CCDC159: variants seen among roughly 807,000 people sequenced by gnomAD.
CCDC159 encodes coiled-coil domain containing 159.
In CCDC159, 40 loss-of-function variants were observed where a neutral mutation model predicts 50.9. The ratio of observed to expected loss-of-function variants is 0.79; its 90% CI spans 0.61 to 1.02. The LOEUF is 1.02. Among genes scored for constraint, CCDC159 ranks in the 50% least tolerant of loss-of-function variants. The pLI is 0.00. For missense variants in CCDC159, 356 were observed against 371.5 expected (o/e 0.96, Z 0.34); for synonymous variants, 146 against 138.9 (o/e 1.05, Z -0.36).
Position 11,350,859 on chromosome 19 carries a change from G to C in CCDC159, c.278G>C (p.Gly93Ala). The C allele has an allele frequency of 6.4e-7, 1 of 1,551,712 alleles. No individual in the cohort carries two copies. Among genetic ancestry groups the C allele is most frequent in the Non-Finnish European group, 8.7e-7 (1 of 1,147,766 alleles). Residue 93 changes from glycine (G) to alanine (A), a missense_variant, in exon 5 of 11, where the codon GGC (glycine) becomes GCC (alanine). Physicochemically the swap from Gly to Ala is moderately conservative, Grantham distance 60 (BLOSUM62 0). Coordinates refer to ENST00000458408, the MANE Select transcript of CCDC159 (RefSeq NM_001080503.3). ...RQGEKEEHKWGMEQGRQELYG... is the reference protein window; with the variant it reads ...RQGEKEEHKWAMEQGRQELYG... ...GGAGAGAAGGAGGAGCACAAGTGGG[G>C]CATGGAGCAGGGCCGGCAGGAGCTG...
Position 11,354,007 on chromosome 19 carries a change from G to A in CCDC159, c.772+133G>A. On this transcript the variant is annotated intron_variant, in intron 9 of 10. Coordinates refer to ENST00000458408, the MANE Select transcript of CCDC159 (RefSeq NM_001080503.3). ...TATGGTCACATTAAGTAGTGTTCTGGGGTCACATTAAGGAGTCACTGGAGG... is the reference window on the plus strand; with the variant it reads ...TATGGTCACATTAAGTAGTGTTCTGAGGTCACATTAAGGAGTCACTGGAGG... 7.1e-6 allele frequency: 5 copies of A among 708,804 alleles called. No homozygotes were observed. In the South Asian group the frequency reaches 7.9e-5, roughly 11 times the overall value. The allele number at this position is 708,804 out of a possible 1,614,324, so 43.9% of individuals were successfully genotyped here. A position where few individuals can be genotyped will look rare whatever the true frequency, so the allele number is the denominator to read the frequency against.
chr19:11,352,069 A>G lies in CCDC159; in HGVS notation c.503A>G (p.Asp168Gly). The G allele has an allele frequency of 6.2e-7, 1 of 1,613,690 alleles. No individual in the cohort carries two copies. The highest frequency in any genetic ancestry group is 8.5e-7 in the Non-Finnish European group (1 of 1,179,772). Reference sequence around the variant, plus strand: ...CCTCCCTCCACAGAAGCGCAGGAGGATGAGATCTCAGAGAACTTGGTGAAC... The same window carrying G: ...CCTCCCTCCACAGAAGCGCAGGAGGGTGAGATCTCAGAGAACTTGGTGAAC... ...FIYQKLQAQEDEISENLVNIQ... is the reference protein window; with the variant it reads ...FIYQKLQAQEGEISENLVNIQ... Residue 168 changes from aspartate (D) to glycine (G), a missense_variant, in exon 7 of 11, where the codon GAT (aspartate) becomes GGT (glycine). Physicochemically the swap from Asp to Gly is moderately conservative, Grantham distance 94 (BLOSUM62 -1). Coordinates refer to ENST00000458408, the MANE Select transcript of CCDC159 (RefSeq NM_001080503.3).
chr19:11,346,955 A>T (rs1416046558), intron 1 of CCDC159, among the ~76,000 whole-genome samples: 1 of 152,176 alleles, frequency 6.6e-6, no homozygotes, highest in Non-Finnish European at 1.5e-5. Flanking sequence ...ACAACATCCC[A>T]GTAAGGTGAC....
At position 11,348,884 on chromosome 19, in the gene CCDC159, C is replaced by T. The variant is rs781507956; in HGVS notation, c.22-770C>T. On this transcript the variant is annotated intron_variant, in intron 1 of 10. Transcript: ENST00000458408. Reference sequence around the variant, plus strand: ...AAGTACTGGGGTTAGTTAGGGGGCTCCCATAGGGCTGGGGACACTGGGAGG... The same window carrying T: ...AAGTACTGGGGTTAGTTAGGGGGCTTCCATAGGGCTGGGGACACTGGGAGG... 1.9e-5 allele frequency: 18 copies of T among 955,818 alleles called. No homozygotes were observed. The South Asian group carries it at 2.1e-4, about 11-fold the overall frequency. The allele number at this position is 955,818 out of a possible 1,614,324, so 59.2% of individuals were successfully genotyped here.
Position 11,349,965 on chromosome 19 carries a change from C to T in CCDC159, c.83C>T (p.Ser28Phe). 6.2e-7 allele frequency: 1 copy of T among 1,613,882 alleles called. No individual in the cohort carries two copies. Among genetic ancestry groups the T allele is most frequent in the Non-Finnish European group, 8.5e-7 (1 of 1,179,862 alleles). ...KAKTIVMIPD[S>F]QKLLRCELES... ...AAGACCATTGTGATGATTCCCGACT[C>T]CCAGAAGCTCCTGCGATGTGAACTT... The change falls in exon 3 of 11, where the codon TCC becomes TTC. Residue 28 changes from serine to phenylalanine, a missense_variant. By Grantham distance (155) the Ser-to-Phe change is radical (BLOSUM62 -2). Coordinates refer to ENST00000458408, the MANE Select transcript of CCDC159 (RefSeq NM_001080503.3).
intron 1 of CCDC159, 109 bp downstream of exon 1, chr19:11,346,736 G>C: frequency 7.5e-7 from 1 of 1,330,254 alleles, no homozygotes; most frequent in Non-Finnish European, 1.0e-6. Context: ...TCCCGGGAGG[G>C]ACACGGAAGC....
Position 11,354,641 on chromosome 19 carries a change from T to G in CCDC159, c.834T>G (p.Cys278Trp). Residue 278 changes from cysteine to tryptophan, a missense_variant, in exon 10 of 11, where the codon TGT becomes TGG. Cys to Trp is a radical substitution (Grantham distance 215). Transcript: ENST00000458408. ...PLPSWDSDSD[C>W]DQDLSQPPFS... ...CCTCCTGGGACTCTGACTCCGACTG[T>G]GACCAGGACCTCTCCCAGCCACCTT... The G allele has an allele frequency of 6.2e-7, 1 of 1,606,390 alleles. No individual in the cohort carries two copies.
intron 7 of CCDC159, chr19:11,352,344 G>C (rs550525957): frequency 1.7e-6 from 1 of 573,800 alleles, no homozygotes; most frequent in Non-Finnish European, 3.1e-6. Flanking sequence ...GGCTGGGCGC[G>C]GTGGCTCACG....
intron 4 of CCDC159, among the ~76,000 whole-genome samples, chr19:11,350,571 T>C (rs1233576014): frequency 6.6e-6 from 1 of 152,052 alleles, no homozygotes; most frequent in Non-Finnish European, 1.5e-5. Flanking sequence ...GAGAATTGCT[T>C]TCTGGGAGGC....
At chr19:11,350,559 AG>A (rs1176897008) in intron 4 of CCDC159, among the ~76,000 whole-genome samples, 1 of 152,140 alleles carries the variant, frequency 6.6e-6, no homozygotes, top group Non-Finnish European at 1.5e-5. Context: ...AGGCTGAGAA[AG>A]GAGAATTGCT....
chr19:11,350,728 T>G, intron 4 of CCDC159, 80 bp from the exon 5 acceptor site: 4 of 1,367,850 alleles, frequency 2.9e-6, no homozygotes, highest in Admixed American at 2.7e-5. Context: ...ATTGGGAGAG[T>G]CTGGGTTCTG....
At position 11,350,262 on chromosome 19, in the gene CCDC159, C is replaced by T. The variant is rs879046326; in HGVS notation, c.226+63C>T. The stretch of plus-strand genomic sequence containing the variant: ...GGCGTGGTGGCTCACGCCTGTAATC[C>T]CAGCATTTGGGGAGGCCAAAGAGGT... On this transcript the variant is annotated intron_variant, in intron 4 of 10. Transcript: ENST00000458408. 3.8e-5 allele frequency: 56 copies of T among 1,458,500 alleles called. 2 individuals are homozygous for T. The South Asian group carries it at 6.5e-4, about 17-fold the overall frequency. 90.3% of individuals were successfully genotyped at this position (1,458,500 alleles called of 1,614,324 possible). A position where few individuals can be genotyped will look rare whatever the true frequency, so the allele number is the denominator to read the frequency against.
chr19:11,353,630 G>A, intron 8 of CCDC159, 58 bp downstream of exon 8: 1 of 1,601,574 alleles, frequency 6.2e-7, no homozygotes, highest in Admixed American at 1.7e-5. Flanking sequence ...TCCCCCAACG[G>A]GATCTGGCAG....
At position 11,354,670 on chromosome 19, in the gene CCDC159, G is replaced by C; in HGVS notation, c.863G>C (p.Ser288Thr). 1 of 1,606,504 alleles carries C rather than the reference G, an allele frequency of 6.2e-7. No homozygotes were observed. The highest frequency in any genetic ancestry group is 8.5e-7 in the Non-Finnish European group (1 of 1,176,382). ...CAGGACCTCTCCCAGCCACCTTTCA[G>C]CAAGAGCGGCCGCTCCTTCCCACCC... is the stretch of plus-strand genomic sequence containing the variant. ...CDQDLSQPPF[S>T]KSGRSFPPA is the part of the protein sequence containing the mutation. Residue 288 changes from serine (S) to threonine (T), a missense_variant, in exon 10 of 11, where the codon AGC (serine) becomes ACC (threonine). Physicochemically the swap from Ser to Thr is moderately conservative, Grantham distance 58 (BLOSUM62 1). Coordinates refer to ENST00000458408, the MANE Select transcript of CCDC159 (RefSeq NM_001080503.3).
At position 11,346,573 on chromosome 19, in the gene CCDC159, G is replaced by C. The variant is rs572397334; in HGVS notation, c.-34G>C. ...GGTGTCCCCGCGGGATCAAACTTCA[G>C]CGTCACAGCTGAGGACTGGCTTCGT... On this transcript the variant is annotated 5_prime_UTR_variant, in exon 1 of 11. Coordinates refer to ENST00000458408, the MANE Select transcript of CCDC159 (RefSeq NM_001080503.3). 48 of 1,551,452 alleles carry C rather than the reference G, an allele frequency of 3.1e-5. No individual in the cohort carries two copies. Among genetic ancestry groups the C allele is most frequent in the Admixed American group, 5.9e-5 (3 of 50,996 alleles).
In CCDC159 at chr19:11,350,996, C is replaced by T. The variant is rs1431231815; in HGVS notation, c.415C>T (p.Arg139Trp). ...RCLQLLAQEI[R>W]DSKKFLWEEL... The stretch of plus-strand genomic sequence containing the variant: ...CCTGCAGCTGCTGGCCCAGGAGATC[C>T]GGGACAGGTCGGGGATGGCGGGAGG... The change falls in exon 5 of 11, where the codon CGG (arginine) becomes TGG (tryptophan). Residue 139 changes from arginine to tryptophan, a missense_variant. Coordinates refer to ENST00000458408, the MANE Select transcript of CCDC159 (RefSeq NM_001080503.3). 49 of 1,547,078 alleles carry T rather than the reference C, an allele frequency of 3.2e-5. No homozygotes were observed. The highest frequency in any genetic ancestry group is 1.3e-4 in the South Asian group (11 of 83,588).
In CCDC159 at chr19:11,351,946, G is replaced by A; in HGVS notation, c.463G>A (p.Glu155Lys). ...GGAGGAGCTGGAACTGGTGCGGGAGGAGGTGACCTTCATCTATCAGAAGCT... is the reference window on the plus strand; with the variant it reads ...GGAGGAGCTGGAACTGGTGCGGGAGAAGGTGACCTTCATCTATCAGAAGCT... ...LWEELELVRE[E>K]VTFIYQKLQA... The change falls in exon 6 of 11, where the codon GAG becomes AAG. Residue 155 changes from glutamate to lysine, a missense_variant. By Grantham distance (56) the Glu-to-Lys change is moderately conservative. Coordinates refer to ENST00000458408, the MANE Select transcript of CCDC159 (RefSeq NM_001080503.3). 6.2e-7 allele frequency: 1 copy of A among 1,606,272 alleles called. No homozygotes were observed. The highest frequency in any genetic ancestry group is 8.5e-7 in the Non-Finnish European group (1 of 1,176,728).
In CCDC159 at chr19:11,353,654, C is replaced by G. The variant is rs1441119730; in HGVS notation, c.689+82C>G. 1.1e-5 allele frequency: 18 copies of G among 1,595,368 alleles called. No individual in the cohort carries two copies. The Admixed American group carries it at 3.1e-4, about 28-fold the overall frequency. ...GGGATCTGGCAGTGACCACCAGAACCTGGAGCCCACCTGAGTCCAGACTTC... is the reference window on the plus strand; with the variant it reads ...GGGATCTGGCAGTGACCACCAGAACGTGGAGCCCACCTGAGTCCAGACTTC... On this transcript the variant is annotated intron_variant, in intron 8 of 10. Transcript: ENST00000458408.
Position 11,354,657 on chromosome 19 carries a change from C to T in CCDC159, c.850C>T (p.Gln284Ter). The change falls in exon 10 of 11, where the codon CAG (glutamine) becomes TAG (stop). Residue 284 changes from glutamine to a stop codon, truncating the protein, a stop_gained. Coordinates refer to ENST00000458408, the MANE Select transcript of CCDC159 (RefSeq NM_001080503.3). LOFTEE classifies it high-confidence loss of function. Reference protein sequence around the residue: ...SDSDCDQDLSQPPFSKSGRSF... With the variant: ...SDSDCDQDLS ...CTCCGACTGTGACCAGGACCTCTCC[C>T]AGCCACCTTTCAGCAAGAGCGGCCG... 6.2e-7 allele frequency: 1 copy of T among 1,607,050 alleles called. No homozygotes were observed. Among genetic ancestry groups the T allele is most frequent in the African/African-American group, 1.3e-5 (1 of 74,838 alleles).
Sources: allele counts gnomAD v4.1 joint callset (sites outside exome capture counted in the v4.1 genomes callset), GRCh38; gene constraint gnomAD v4.1.1; transcripts MANE v1.5; gene names NCBI Gene and HGNC (gene_info 2026-07-23, HGNC 2026-07-21).